SLC39A14: variants seen among roughly 807,000 people sequenced by gnomAD.
SLC39A14 encodes the protein solute carrier family 39 member 14, also known as metal cation symporter ZIP14.
In SLC39A14, 19 loss-of-function variants were observed where a neutral mutation model predicts 45.5. The ratio of observed to expected loss-of-function variants is 0.42; its 90% CI spans 0.29 to 0.61. The LOEUF (loss-of-function observed/expected upper bound fraction) is 0.61. SLC39A14 is among the 20% of genes least tolerant of loss of function. The pLI is 0.22. For synonymous variants in SLC39A14, 264 were observed against 251.3 expected (o/e 1.05, Z -0.48); for missense variants, 447 against 616.5 (o/e 0.73, Z 2.91).
chr8:22,404,902 C>T lies in SLC39A14; in HGVS notation c.192C>T (p.Ala64=), dbSNP rs767353466. The T allele has an allele frequency of 6.2e-7, 1 of 1,614,180 alleles. No homozygotes were observed. The highest frequency in any genetic ancestry group is 1.1e-5 in the South Asian group (1 of 91,092). ...GDSLTLQQLK[A]LLNHLDVGVG... Reference sequence around the variant, plus strand: ...GCCTCACTCTGCAGCAGCTGAAGGCCCTACTCAACCACCTGGATGTGGGAG... The same window carrying T: ...GCCTCACTCTGCAGCAGCTGAAGGCTCTACTCAACCACCTGGATGTGGGAG... Residue 64 remains alanine (A), a synonymous_variant, in exon 2 of 9, where the codon GCC becomes GCT. Transcript: ENST00000381237.
chr8:22,368,985 G>A (rs1009646825), intron 1 of SLC39A14, among the ~76,000 whole-genome samples: 3 of 152,114 alleles, frequency 2.0e-5, no homozygotes, highest in African/African-American at 7.2e-5. Context: ...ATACATCCTT[G>A]GTAAAGCAAG....
chr8:22,406,381 G>A (rs1239343923), intron 2 of SLC39A14, among the ~76,000 whole-genome samples: 5 of 151,612 alleles, frequency 3.3e-5, no homozygotes, highest in East Asian at 1.9e-4. Context: ...CCCAGGAGGT[G>A]GAGGCCTCAA....
intron 1 of SLC39A14, among the ~76,000 whole-genome samples, chr8:22,394,881 G>T (rs1397092491): frequency 1.3e-5 from 2 of 152,138 alleles, no homozygotes. Flanking sequence ...CTTTTGCTCT[G>T]AATTGTGGAG....
chr8:22,414,913 A>T lies in SLC39A14; in HGVS notation c.750+11A>T. On this transcript the variant is annotated intron_variant, in intron 5 of 8. Coordinates refer to ENST00000381237, the MANE Select transcript of SLC39A14 (RefSeq NM_001128431.4). ...AAGCAGAAAAATGAGGTGAGGCCCA[A>T]TTGTTGCTGAAGAAAGCTCTTCTAG... The T allele has an allele frequency of 6.2e-7, 1 of 1,609,886 alleles. No homozygotes were observed. The highest frequency in any genetic ancestry group is 2.2e-5 in the East Asian group (1 of 44,836).
downstream of SLC39A14, among the ~76,000 whole-genome samples, chr8:22,423,510 T>C (rs1351413276): frequency 6.6e-6 from 1 of 152,112 alleles, no homozygotes; most frequent in Non-Finnish European, 1.5e-5. Flanking sequence ...TAATTTTTTG[T>C]ATTTTTAGTA....
chr8:22,406,338 A>G (rs1445062827), intron 2 of SLC39A14, among the ~76,000 whole-genome samples: 1 of 146,916 alleles, frequency 6.8e-6, no homozygotes, highest in Non-Finnish European at 1.5e-5. Flanking sequence ...AATCCCAGCT[A>G]CTCCGGAGGC....
At chr8:22,412,981 C>T (rs1835667569) in intron 4 of SLC39A14, among the ~76,000 whole-genome samples, 1 of 152,120 alleles carries the variant, frequency 6.6e-6, no homozygotes, top group South Asian at 2.1e-4. Flanking sequence ...ACCCACAGTT[C>T]TCAGTAAAAA....
chr8:22,383,813 C>T lies in SLC39A14; in HGVS notation c.-16+16405C>T, dbSNP rs546414499. ...GCGTATCTGTATTCCAATTCCAATG[C>T]TGACCGTTTCTCCAGGGCTGGCTGT... On this transcript the variant is annotated intron_variant, in intron 1 of 8. Transcript: ENST00000381237. Among the ~76,000 whole-genome samples, 8 of 152,350 alleles carry T rather than the reference C, an allele frequency of 5.3e-5. No homozygotes were observed. In the South Asian group the frequency reaches 1.7e-3, roughly 32 times the overall value.
downstream of SLC39A14, among the ~76,000 whole-genome samples, chr8:22,423,429 G>A (rs974417077): frequency 1.3e-5 from 2 of 151,222 alleles, no homozygotes; most frequent in Non-Finnish European, 2.9e-5. Flanking sequence ...TCCGCTTCCC[G>A]GGTTCACGCC....
At chr8:22,411,133 A>C (rs1835543000) in intron 3 of SLC39A14, among the ~76,000 whole-genome samples, 1 of 152,184 alleles carries the variant, frequency 6.6e-6, no homozygotes, top group African/African-American at 2.4e-5. Context: ...CAGCAATGGA[A>C]TATATTAATT....
At chr8:22,428,915 C>T (rs973820987) in intron 8 of SLC39A14, among the ~76,000 whole-genome samples, 3 of 152,116 alleles carry the variant, frequency 2.0e-5, no homozygotes, top group East Asian at 1.9e-4. Flanking sequence ...TTTGAGCAAA[C>T]GAAGGTAAGA....
chr8:22,423,950 C>T (rs73227847), downstream of SLC39A14, among the ~76,000 whole-genome samples: 12,054 of 151,498 alleles, frequency 0.08, 651 homozygotes, highest in Middle Eastern at 0.12. Flanking sequence ...GGACTAGAGG[C>T]GAGCACTACC....
chr8:22,372,032 T>G (rs1023110414), intron 1 of SLC39A14, among the ~76,000 whole-genome samples: 8 of 152,106 alleles, frequency 5.3e-5, no homozygotes, highest in African/African-American at 1.4e-4. Flanking sequence ...TGTGAGCCAC[T>G]TGCACCCGGC....
At chr8:22,399,485 G>A (rs1027720600) in intron 1 of SLC39A14, among the ~76,000 whole-genome samples, 5 of 152,218 alleles carry the variant, frequency 3.3e-5, no homozygotes, top group African/African-American at 9.6e-5. Flanking sequence ...TGTCTCAAGC[G>A]CTGGCCAGGC....
At chr8:22,418,261 C>T (rs931126476) in intron 8 of SLC39A14, among the ~76,000 whole-genome samples, 3 of 152,116 alleles carry the variant, frequency 2.0e-5, no homozygotes, top group Non-Finnish European at 4.4e-5. Context: ...CAGAGTTCGT[C>T]TGTTTAAGGT....
chr8:22,423,811 T>TCTCTCTCTCTCA (rs140415628), downstream of SLC39A14, among the ~76,000 whole-genome samples: 3 of 150,768 alleles, frequency 2.0e-5, no homozygotes, highest in African/African-American at 7.4e-5. Context: ...TCTCTCTCTC[T>TCTCTCTCTCTCA]CATCTATCTT....
rs577755788 is a variant in SLC39A14, at chr8:22,370,997, C to T, written c.-16+3589C>T. ...GGGCAGGCCCTAGAACACAGGGTCACGAAGCCCCACTATCTTGTTCCCCCC... is the reference window on the plus strand; with the variant it reads ...GGGCAGGCCCTAGAACACAGGGTCATGAAGCCCCACTATCTTGTTCCCCCC... On this transcript the variant is annotated intron_variant, in intron 1 of 8. Coordinates refer to ENST00000381237, the MANE Select transcript of SLC39A14 (RefSeq NM_001128431.4). Among the ~76,000 whole-genome samples the T allele has an allele frequency of 3.3e-5, 5 of 152,304 alleles. 1 individual carries two copies. The highest frequency in any genetic ancestry group is 1.2e-4 in the African/African-American group (5 of 41,590).
In SLC39A14 at chr8:22,420,538, A is replaced by G; in HGVS notation, c.*840A>G. ...CTCCTCTTCCCCACTGCCATCTTCT[A>G]AGAGACTTTGTAGCTGCCTCCTAGA... is the stretch of plus-strand genomic sequence containing the variant. On this transcript the variant is annotated 3_prime_UTR_variant, in exon 9 of 9. Transcript: ENST00000381237. 1.0e-6 allele frequency: 1 copy of G among 985,418 alleles called. No individual in the cohort carries two copies. The highest frequency in any genetic ancestry group is 1.2e-6 in the Non-Finnish European group (1 of 829,938). The allele number at this position is 985,418 out of a possible 1,614,324, so 61.0% of individuals were successfully genotyped here.
At chr8:22,424,582 C>T (rs1031975728), downstream of SLC39A14, among the ~76,000 whole-genome samples, 2 of 152,184 alleles carry the variant, frequency 1.3e-5, no homozygotes, top group African/African-American at 4.8e-5. Flanking sequence ...TACAGTCCCT[C>T]CTGCCTTTCC....
Sources: allele counts gnomAD v4.1 joint callset (sites outside exome capture counted in the v4.1 genomes callset), GRCh38; gene constraint gnomAD v4.1.1; transcripts MANE v1.5; gene names NCBI Gene and HGNC (gene_info 2026-07-23, HGNC 2026-07-21).